Variants in PPP2R2B observed in about 807,000 individuals in gnomAD.
PPP2R2B encodes the protein protein phosphatase 2 regulatory subunit Bbeta, also known as serine/threonine-protein phosphatase 2A 55 kDa regulatory subunit B beta isoform.
A neutral mutation model predicts 46.0 loss-of-function variants in PPP2R2B; 5 were observed. That is an observed-to-expected ratio of 0.11 (90% confidence interval 0.06 to 0.23). PPP2R2B has a LOEUF of 0.23. PPP2R2B is among the 10% of genes least tolerant of loss of function. The pLI is 1.00. For missense variants in PPP2R2B, 367 were observed against 575.0 expected (o/e 0.64, Z 3.70); for synonymous variants, 215 against 206.7 (o/e 1.04, Z -0.34).
At chr5:146,856,285 C>A (rs1240607697) in intron 2 of PPP2R2B, among the ~76,000 whole-genome samples, 1 of 152,160 alleles carries the variant, frequency 6.6e-6, no homozygotes, top group Non-Finnish European at 1.5e-5. Context: ...GTTCTTAAAA[C>A]AGTAAATCAA....
intron 4 of PPP2R2B, among the ~76,000 whole-genome samples, chr5:146,695,629 T>C (rs538794835): frequency 6.6e-6 from 1 of 152,218 alleles, no homozygotes; most frequent in Non-Finnish European, 1.5e-5. Context: ...CACACTTTTT[T>C]TCTTGACTCA....
At chr5:147,038,818 G>A (rs1756160904) in intron 1 of PPP2R2B, among the ~76,000 whole-genome samples, 1 of 152,182 alleles carries the variant, frequency 6.6e-6, no homozygotes, top group South Asian at 2.1e-4. Context: ...ATTGAACCCA[G>A]GTGGTCTGAT....
chr5:146,978,716 C>T (rs1458775987), intron 1 of PPP2R2B, among the ~76,000 whole-genome samples: 3 of 151,962 alleles, frequency 2.0e-5, no homozygotes, highest in Non-Finnish European at 4.4e-5. Flanking sequence ...TTTTTTCTGT[C>T]CTATTGGTCT....
chr5:146,667,332 G>GCACACA (rs144297178), intron 5 of PPP2R2B, among the ~76,000 whole-genome samples: 19 of 32,052 alleles, frequency 5.9e-4, no homozygotes, highest in African/African-American at 1.8e-3. Flanking sequence ...GCGTGCGCGC[G>GCACACA]CACACACACA....
intron 5 of PPP2R2B, among the ~76,000 whole-genome samples, chr5:146,676,035 G>A (rs1777687931): frequency 6.6e-6 from 1 of 152,024 alleles, no homozygotes; most frequent in Admixed American, 6.6e-5. Flanking sequence ...CTTGGAGGGA[G>A]GACGCCTTGA....
chr5:146,801,275 C>A (rs1054812736), intron 2 of PPP2R2B, among the ~76,000 whole-genome samples: 1 of 152,198 alleles, frequency 6.6e-6, no homozygotes, highest in South Asian at 2.1e-4. Flanking sequence ...CTATAGTTAA[C>A]ATTATTGTAT....
chr5:147,018,653 T>C (rs1373029321), intron 1 of PPP2R2B, among the ~76,000 whole-genome samples: 1 of 152,134 alleles, frequency 6.6e-6, no homozygotes, highest in Non-Finnish European at 1.5e-5. Context: ...ATTTGGGACC[T>C]GGAGAGGACT....
chr5:146,738,049 T>C (rs1211057160), intron 2 of PPP2R2B, among the ~76,000 whole-genome samples: 1 of 151,990 alleles, frequency 6.6e-6, no homozygotes. Context: ...TCACTCTCAG[T>C]GTGGTTTGGA....
chr5:146,672,487 A>C (rs536849948), intron 5 of PPP2R2B, among the ~76,000 whole-genome samples: 51 of 152,218 alleles, frequency 3.4e-4, no homozygotes, highest in Non-Finnish European at 4.7e-4. Context: ...ATAGCTCTCA[A>C]GGATACTGCT....
chr5:146,791,339 TC>T (rs1000458119), intron 2 of PPP2R2B, among the ~76,000 whole-genome samples: 4 of 152,060 alleles, frequency 2.6e-5, no homozygotes, highest in East Asian at 1.9e-4. Context: ...TCAGTGTCGA[TC>T]CCCCCTTTTT....
intron 1 of PPP2R2B, among the ~76,000 whole-genome samples, chr5:147,035,692 G>A (rs1354606031): frequency 6.6e-6 from 1 of 151,962 alleles, no homozygotes; most frequent in Non-Finnish European, 1.5e-5. Context: ...AAATAGGAGA[G>A]AATGGAAAGA....
intron 2 of PPP2R2B, among the ~76,000 whole-genome samples, chr5:146,853,327 G>A (rs184668270): frequency 5.1e-4 from 78 of 152,192 alleles, no homozygotes; most frequent in African/African-American, 1.8e-3. Flanking sequence ...TGATAGTATA[G>A]AGTTCCATGT....
intron 7 of PPP2R2B, among the ~76,000 whole-genome samples, chr5:146,607,977 A>G (rs1320850064): frequency 6.6e-6 from 1 of 152,248 alleles, no homozygotes; most frequent in East Asian, 1.9e-4. Flanking sequence ...AATTTTGTAT[A>G]ATTTTTATGT....
At chr5:146,742,926 A>C (rs1189883386) in intron 2 of PPP2R2B, among the ~76,000 whole-genome samples, 1 of 152,192 alleles carries the variant, frequency 6.6e-6, no homozygotes, top group African/African-American at 2.4e-5. Flanking sequence ...ACTGCCAAAA[A>C]TTGCCTAAAG....
chr5:147,004,968 T>C (rs1193414016), intron 1 of PPP2R2B, among the ~76,000 whole-genome samples: 1 of 152,168 alleles, frequency 6.6e-6, no homozygotes, highest in Non-Finnish European at 1.5e-5. Context: ...GGAAAGGATC[T>C]TACTGTCTGG....
At chr5:146,827,835 G>A (rs1489443551) in intron 2 of PPP2R2B, among the ~76,000 whole-genome samples, 15 of 152,082 alleles carry the variant, frequency 9.9e-5, no homozygotes, top group Admixed American at 9.8e-4. Flanking sequence ...GTAAATACTG[G>A]GAAGGAAAGG....
intron 2 of PPP2R2B, among the ~76,000 whole-genome samples, chr5:146,734,063 T>G (rs201356555): frequency 0.12 from 17,801 of 151,748 alleles, 1,334 homozygotes; most frequent in East Asian, 0.38. Flanking sequence ...TAGGTTTTTT[T>G]TTTTTTTTTG....
At chr5:146,934,761 C>A (rs1561528086) in intron 1 of PPP2R2B, among the ~76,000 whole-genome samples, 1 of 144,832 alleles carries the variant, frequency 6.9e-6, no homozygotes, top group African/African-American at 2.5e-5. Flanking sequence ...AGACCAAACT[C>A]TTTTTTTTTT....
chr5:146,992,381 A>C (rs1753732984), intron 1 of PPP2R2B, among the ~76,000 whole-genome samples: 1 of 152,232 alleles, frequency 6.6e-6, no homozygotes, highest in Non-Finnish European at 1.5e-5. Flanking sequence ...AAAAATGTAG[A>C]GCCACTTCCT....
Sources: allele counts gnomAD v4.1 joint callset (sites outside exome capture counted in the v4.1 genomes callset), GRCh38; gene constraint gnomAD v4.1.1; transcripts MANE v1.5; gene names NCBI Gene and HGNC (gene_info 2026-07-23, HGNC 2026-07-21).